The following NGEF variants were observed in gnomAD, a reference collection of about 807,000 sequenced individuals.
The protein encoded by NGEF is neuronal guanine nucleotide exchange factor.
Under a neutral mutation model 80.9 loss-of-function variants are expected in NGEF, and 31 were observed. That is an observed-to-expected ratio of 0.38 (90% CI 0.29 to 0.52). NGEF has a LOEUF of 0.52. NGEF is among the 20% of genes least tolerant of loss of function. NGEF has a pLI of 0.84. For synonymous variants in NGEF, 371 were observed against 370.2 expected (o/e 1.00, Z -0.03); for missense variants, 709 against 926.2 (o/e 0.77, Z 3.04).
chr2:233,009,637 G>GA (rs113963502), intron 1 of NGEF, among the ~76,000 whole-genome samples: 69,178 of 144,148 alleles, frequency 0.48, 16,975 homozygotes, highest in Non-Finnish European at 0.53. Flanking sequence ...CATCTCTACA[G>GA]AAAAAAAAAA....
At chr2:232,975,937 C>T (rs540402996) in intron 1 of NGEF, among the ~76,000 whole-genome samples, 20 of 152,240 alleles carry the variant, frequency 1.3e-4, no homozygotes, top group African/African-American at 4.3e-4. Context: ...GGCCAGGCAC[C>T]GGCCTATAAT....
chr2:232,928,239 C>G (rs1243688598), intron 3 of NGEF: 2 of 855,898 alleles, frequency 2.3e-6, no homozygotes, highest in South Asian at 1.1e-4. Flanking sequence ...GGGGCGAGGC[C>G]GGGCGGCGGC....
At chr2:232,910,960 T>C (rs1692680177) in intron 5 of NGEF, among the ~76,000 whole-genome samples, 1 of 152,228 alleles carries the variant, frequency 6.6e-6, no homozygotes, top group South Asian at 2.1e-4. Flanking sequence ...TTTCATTCTC[T>C]TAACTGTGTC....
intron 1 of NGEF, among the ~76,000 whole-genome samples, chr2:232,989,953 T>C (rs1694619344): frequency 6.6e-6 from 1 of 152,142 alleles, no homozygotes; most frequent in African/African-American, 2.4e-5. Context: ...TTCACCATGG[T>C]AAAGAAGAGA....
rs148012306 is a variant in NGEF, at chr2:232,891,457, G to T, written c.1173C>A (p.Ile391=). ...ACTTGGGGTCGAGCTCTAGCTGCGC[G>T]ATCAGCTCCCGGAAAGCTGCCTTCT... The part of the protein sequence containing the change: ...LQEKAAFREL[I]AQLELDPKCR... The change falls in exon 8 of 15, where the codon ATC becomes ATA. Residue 391 remains isoleucine, a synonymous_variant. Transcript: ENST00000264051. 1 of 1,613,276 alleles carries T rather than the reference G, an allele frequency of 6.2e-7. No homozygotes were observed. Among genetic ancestry groups the T allele is most frequent in the Admixed American group, 1.7e-5 (1 of 60,014 alleles).
At chr2:232,949,681 G>A (rs1355890072) in intron 3 of NGEF, among the ~76,000 whole-genome samples, 1 of 150,636 alleles carries the variant, frequency 6.6e-6, no homozygotes, top group Non-Finnish European at 1.5e-5. Context: ...GTTTCTCCGT[G>A]TTGGTCAGGC....
chr2:232,915,307 C>A (rs1250190654), intron 5 of NGEF, among the ~76,000 whole-genome samples: 2 of 152,162 alleles, frequency 1.3e-5, no homozygotes, highest in Admixed American at 6.5e-5. Context: ...TGCATAGTAT[C>A]TTCTTGGATC....
At chr2:232,900,149 C>G (rs1190758740) in intron 5 of NGEF, among the ~76,000 whole-genome samples, 1 of 143,748 alleles carries the variant, frequency 7.0e-6, no homozygotes, top group African/African-American at 2.7e-5. Context: ...CACACACACG[C>G]TCACAGTCAC....
At chr2:232,975,363 G>A (rs1014526354) in intron 1 of NGEF, among the ~76,000 whole-genome samples, 64 of 152,300 alleles carry the variant, frequency 4.2e-4, no homozygotes, top group Middle Eastern at 6.8e-3. Flanking sequence ...AAAGGGTTGT[G>A]GGCTGGTGCA....
At chr2:233,002,807 G>C (rs1393380483) in intron 1 of NGEF, among the ~76,000 whole-genome samples, 1 of 152,184 alleles carries the variant, frequency 6.6e-6, no homozygotes, top group Non-Finnish European at 1.5e-5. Flanking sequence ...CTTCATGTCA[G>C]CCTGGTCCAC....
chr2:232,884,240 G>T (rs1691602975), intron 10 of NGEF, 96 bp from the exon 11 acceptor site: 2 of 1,348,972 alleles, frequency 1.5e-6, no homozygotes, highest in Non-Finnish European at 9.8e-7. Flanking sequence ...CCTGACACCT[G>T]CCCAGGGCCC....
chr2:232,890,942 C>T (rs760041580), intron 8 of NGEF: 9 of 472,242 alleles, frequency 1.9e-5, no homozygotes, highest in South Asian at 1.4e-4. Context: ...ACCTTGCAGT[C>T]TTGGGGCCTT....
At position 232,919,128 on chromosome 2, in the gene NGEF, G is replaced by A. The variant is rs113318084; in HGVS notation, c.828+1156C>T. 2.5e-4 allele frequency among the ~76,000 whole-genome samples: 38 copies of A among 152,262 alleles called. 1 individual carries two copies. The highest frequency in any genetic ancestry group is 7.9e-4 in the African/African-American group (33 of 41,536). ...TTCCCTAGTAGCAACTCCATTCATC[G>A]CAAAACCCAAGTCTCAGGTATATGA... On this transcript the variant is annotated intron_variant, in intron 5 of 14. Coordinates refer to ENST00000264051, the MANE Select transcript of NGEF (RefSeq NM_019850.3).
intron 2 of NGEF, among the ~76,000 whole-genome samples, chr2:232,970,650 A>C (rs1694166630): frequency 6.6e-6 from 1 of 152,214 alleles, no homozygotes; most frequent in African/African-American, 2.4e-5. Context: ...CCCCGTCTCT[A>C]CTAAAAATAC....
intron 5 of NGEF, among the ~76,000 whole-genome samples, chr2:232,906,098 CGTCCCGTCTGGG>C (rs1216937689): frequency 2.9e-5 from 3 of 102,534 alleles, no homozygotes; most frequent in Non-Finnish European, 4.4e-5. Context: ...CCTGGTCAGC[CGTCCCGTCTGGG>C]AGGGAGGTGG....
chr2:232,891,112 G>T, intron 8 of NGEF: 1 of 583,944 alleles, frequency 1.7e-6, no homozygotes, highest in Non-Finnish European at 3.3e-6. Context: ...TGTCGTGTCG[G>T]CCCATTTGGC....
intron 3 of NGEF, among the ~76,000 whole-genome samples, chr2:232,930,904 A>G (rs1693203439): frequency 6.6e-6 from 1 of 152,208 alleles, no homozygotes; most frequent in African/African-American, 2.4e-5. Context: ...CATCAACTCT[A>G]AAGTCTGAAG....
At chr2:232,917,210 A>G (rs1692822246) in intron 5 of NGEF, among the ~76,000 whole-genome samples, 1 of 152,240 alleles carries the variant, frequency 6.6e-6, no homozygotes, top group Non-Finnish European at 1.5e-5. Context: ...CCAAGCTTCT[A>G]CTGAATGTGC....
At chr2:232,986,222 C>T (rs573937814) in intron 1 of NGEF, among the ~76,000 whole-genome samples, 11 of 152,232 alleles carry the variant, frequency 7.2e-5, no homozygotes, top group East Asian at 3.9e-4. Flanking sequence ...TGTTGGTGAA[C>T]GAAGATGTGG....
Sources: gnomAD v4.1 joint callset for allele counts (sites outside exome capture counted in the v4.1 genomes callset) on GRCh38, gnomAD v4.1.1 for gene constraint, MANE v1.5 for transcripts, NCBI Gene and HGNC (gene_info 2026-07-23, HGNC 2026-07-21) for gene names.